Variants in PCDH9 observed in about 807,000 individuals in gnomAD.
PCDH9 encodes the protein protocadherin 9.
In PCDH9, 24 loss-of-function variants were observed where a neutral mutation model predicts 70.6. The ratio of observed to expected loss-of-function variants is 0.34; its 90% CI spans 0.25 to 0.48. PCDH9 has a LOEUF of 0.48. Among genes scored for constraint, PCDH9 ranks in the 20% least tolerant of loss-of-function variants. The probability of loss-of-function intolerance (pLI) is 0.99; values close to 1 mark genes in which losing one functional copy is unlikely to be tolerated. For missense variants in PCDH9, 1,281 were observed against 1,503.6 expected, an observed-to-expected ratio of 0.85 and a Z score of 2.45; for synonymous variants, 562 against 558.5, an observed-to-expected ratio of 1.01 and a Z score of -0.09.
intron 2 of PCDH9, among the ~76,000 whole-genome samples, chr13:67,084,664 A>G (rs1259431193): frequency 2.0e-5 from 3 of 151,712 alleles, no homozygotes; most frequent in African/African-American, 4.8e-5. Flanking sequence ...GAGGACCCCA[A>G]ACTGGTTCAA....
At chr13:66,824,067 C>T (rs2080764946) in intron 3 of PCDH9, among the ~76,000 whole-genome samples, 1 of 151,736 alleles carries the variant, frequency 6.6e-6, no homozygotes, top group African/African-American at 2.4e-5. Flanking sequence ...TCTTTCATAA[C>T]TTACTGTACA....
At chr13:66,703,853 A>G (rs943124438) in intron 3 of PCDH9, among the ~76,000 whole-genome samples, 1 of 152,134 alleles carries the variant, frequency 6.6e-6, no homozygotes, top group Non-Finnish European at 1.5e-5. Context: ...GTGAGCCATG[A>G]CTGAGCCACT....
At chr13:66,509,377 G>A (rs1315230875) in intron 4 of PCDH9, among the ~76,000 whole-genome samples, 2 of 152,104 alleles carry the variant, frequency 1.3e-5, no homozygotes, top group Non-Finnish European at 2.9e-5. Context: ...GAGGTTATGA[G>A]CCTAACTTCT....
chr13:67,013,457 CT>C (rs1485039099), intron 2 of PCDH9, among the ~76,000 whole-genome samples: 1 of 151,970 alleles, frequency 6.6e-6, no homozygotes, highest in Admixed American at 6.6e-5. Flanking sequence ...AACCACCTAT[CT>C]GTGGTAAACA....
chr13:66,554,281 C>A (rs1961625973), intron 4 of PCDH9, among the ~76,000 whole-genome samples: 1 of 152,040 alleles, frequency 6.6e-6, no homozygotes. Context: ...AATATACAGC[C>A]ATTGCTTGAG....
chr13:67,129,235 A>AAAAAC (rs879615685), intron 2 of PCDH9, among the ~76,000 whole-genome samples: 10 of 152,180 alleles, frequency 6.6e-5, no homozygotes, highest in Admixed American at 3.9e-4. Context: ...GAAAGAAGGG[A>AAAAAC]AAAACAAAAC....
intron 2 of PCDH9, among the ~76,000 whole-genome samples, chr13:66,974,427 A>G (rs1255309599): frequency 6.6e-6 from 1 of 151,900 alleles, no homozygotes; most frequent in East Asian, 1.9e-4. Flanking sequence ...TCAGCTTTCA[A>G]CTATAGTCTT....
chr13:66,576,408 T>G (rs1330218580), intron 4 of PCDH9, among the ~76,000 whole-genome samples: 1 of 152,064 alleles, frequency 6.6e-6, no homozygotes, highest in African/African-American at 2.4e-5. Context: ...TTCAAACCTT[T>G]ATGGCTATTA....
chr13:67,212,133 G>C (rs1039499928), intron 2 of PCDH9: 2 of 152,086 alleles, frequency 1.3e-5, no homozygotes, highest in African/African-American at 4.8e-5. Flanking sequence ...TGTAGAAGGA[G>C]TGTGATTTTA....
chr13:67,069,740 T>A (rs1426818377), intron 2 of PCDH9, among the ~76,000 whole-genome samples: 1 of 152,174 alleles, frequency 6.6e-6, no homozygotes, highest in Non-Finnish European at 1.5e-5. Flanking sequence ...GTGAGGAAAT[T>A]TGCTCTAATT....
chr13:66,496,600 G>A (rs886159365), intron 4 of PCDH9, among the ~76,000 whole-genome samples: 4 of 152,218 alleles, frequency 2.6e-5, no homozygotes. Context: ...CATCTGTCCT[G>A]TAAACATCTG....
At chr13:67,088,449 A>G (rs1351881060) in intron 2 of PCDH9, among the ~76,000 whole-genome samples, 1 of 151,984 alleles carries the variant, frequency 6.6e-6, no homozygotes, top group Non-Finnish European at 1.5e-5. Flanking sequence ...CTTACAGACC[A>G]TCACCCAGGA....
intron 2 of PCDH9, among the ~76,000 whole-genome samples, chr13:67,190,201 C>T (rs1325679): frequency 0.92 from 139,197 of 152,024 alleles, 64,231 homozygotes; most frequent in Non-Finnish European, 0.97. Flanking sequence ...CTGATTCCTG[C>T]CACTAGCCCT....
chr13:66,692,476 T>G (rs2078502061), intron 3 of PCDH9, among the ~76,000 whole-genome samples: 1 of 152,022 alleles, frequency 6.6e-6, no homozygotes, highest in Non-Finnish European at 1.5e-5. Context: ...ATGGTAGGAA[T>G]GAATAAAAGA....
chr13:66,357,687 C>T (rs73505870), intron 4 of PCDH9, among the ~76,000 whole-genome samples: 2,179 of 152,102 alleles, frequency 0.014, 49 homozygotes, highest in African/African-American at 0.05. Context: ...TCTTACACTG[C>T]AAGACCGTGA....
chr13:66,477,432 TATG>T (rs1958752382), intron 4 of PCDH9, among the ~76,000 whole-genome samples: 2 of 152,186 alleles, frequency 1.3e-5, no homozygotes, highest in African/African-American at 4.8e-5. Flanking sequence ...CATGTGAATT[TATG>T]CTTACCTAAA....
chr13:67,018,830 T>C (rs771175857), intron 2 of PCDH9, among the ~76,000 whole-genome samples: 10 of 152,156 alleles, frequency 6.6e-5, no homozygotes, highest in Non-Finnish European at 1.5e-4. Flanking sequence ...ATTTTCTTTC[T>C]GAAATTTAAA....
chr13:66,817,311 G>T (rs1467761522), intron 3 of PCDH9, among the ~76,000 whole-genome samples: 6 of 152,094 alleles, frequency 3.9e-5, no homozygotes, highest in African/African-American at 1.2e-4. Flanking sequence ...GTGTGCAGAA[G>T]ACATACTGTA....
chr13:67,034,405 A>G (rs890190349), intron 2 of PCDH9, among the ~76,000 whole-genome samples: 9 of 152,224 alleles, frequency 5.9e-5, no homozygotes, highest in African/African-American at 2.2e-4. Context: ...AATTCTTTAA[A>G]TATTTACCAT....
Sources: gnomAD v4.1 joint callset for allele counts (sites outside exome capture counted in the v4.1 genomes callset) on GRCh38, gnomAD v4.1.1 for gene constraint, MANE v1.5 for transcripts, NCBI Gene and HGNC (gene_info 2026-07-23, HGNC 2026-07-21) for gene names.